Variants in CXCL13 observed in about 807,000 individuals in gnomAD.
The protein encoded by CXCL13 is C-X-C motif chemokine 13.
In CXCL13, 7 loss-of-function variants were observed where a neutral mutation model predicts 12.2. That is an observed-to-expected ratio of 0.57 (90% CI 0.33 to 1.07). The LOEUF (loss-of-function observed/expected upper bound fraction) is 1.07. CXCL13 is among the 50% of genes least tolerant of loss of function. The pLI, the probability that CXCL13 is intolerant of heterozygous loss-of-function variation, is 0.04. For missense variants in CXCL13, 113 were observed against 127.4 expected (o/e 0.89, Z 0.55); for synonymous variants, 47 against 42.4 (o/e 1.11, Z -0.42).
intron 1 of CXCL13, among the ~76,000 whole-genome samples, chr4:77,584,980 T>G (rs1031476909): frequency 2.0e-5 from 3 of 152,168 alleles, no homozygotes; most frequent in African/African-American, 4.8e-5. Context: ...CTCTAAAGAT[T>G]TTTTCTTCTT....
intron 1 of CXCL13, among the ~76,000 whole-genome samples, chr4:77,547,271 T>C (rs1297249113): frequency 6.6e-6 from 1 of 152,200 alleles, no homozygotes; most frequent in Non-Finnish European, 1.5e-5. Context: ...CTGAGTTCAA[T>C]TCCTGGATAT....
At position 77,605,904 on chromosome 4, in the gene CXCL13, G is replaced by C; in HGVS notation, c.39G>C (p.Leu13=). The change falls in exon 1 of 4, where the codon CTG becomes CTC. Residue 13 remains leucine, a synonymous_variant. Coordinates refer to ENST00000682537, the MANE Select transcript of CXCL13 (RefSeq NM_001371558.1). ...CGACATCTCTGCTTCTCATGCTGCT[G>C]GTCAGCAGCCTCTCTCCAGTCCAAG... ...FISTSLLLML[L]VSSLSPVQGV... is the part of the protein sequence containing the mutation. The C allele has an allele frequency of 1.9e-6, 3 of 1,605,950 alleles. No homozygotes were observed. The highest frequency in any genetic ancestry group is 1.1e-5 in the South Asian group (1 of 89,332).
In CXCL13 at chr4:77,591,317, C is replaced by T. The variant is rs373112086; in HGVS notation, c.-42-14507C>T. On this transcript the variant is annotated intron_variant, in intron 1 of 4. Transcript: ENST00000286758. ...CTGTAATCCCAGCACCTTGGGAGGCCAAGTGGGTGGATCACAAGGTTAGGA... is the reference window on the plus strand; with the variant it reads ...CTGTAATCCCAGCACCTTGGGAGGCTAAGTGGGTGGATCACAAGGTTAGGA... 2.6e-5 allele frequency among the ~76,000 whole-genome samples: 4 copies of T among 151,870 alleles called. No homozygotes were observed. The East Asian group carries it at 7.7e-4, about 29-fold the overall frequency.
intron 1 of CXCL13, among the ~76,000 whole-genome samples, chr4:77,563,548 G>A (rs949298174): frequency 1.3e-5 from 2 of 152,090 alleles, no homozygotes; most frequent in Non-Finnish European, 2.9e-5. Flanking sequence ...AGTAACCTTG[G>A]CTGCTATGAG....
rs547373749 is a variant in CXCL13 at position 77,552,303 on chromosome 4, C to T, written c.-43+40515C>T. 4.3e-4 allele frequency among the ~76,000 whole-genome samples: 65 copies of T among 152,148 alleles called. 1 individual carries two copies. Among genetic ancestry groups the T allele is most frequent in the East Asian group, 1.4e-3 (7 of 5,182 alleles). On this transcript the variant is annotated intron_variant, in intron 1 of 4. Coordinates refer to the CXCL13 transcript ENST00000286758. ...AACATTTTTTTCCCTTTCCTTTCCCCGACTTCCTAGGGAATGTGACTGTAG... is the reference window on the plus strand; with the variant it reads ...AACATTTTTTTCCCTTTCCTTTCCCTGACTTCCTAGGGAATGTGACTGTAG...
rs146674384 is a variant in CXCL13 at position 77,598,315 on chromosome 4, G to A, written c.-42-7509G>A. On this transcript the variant is annotated intron_variant, in intron 1 of 4. Coordinates refer to the CXCL13 transcript ENST00000286758. The stretch of plus-strand genomic sequence containing the variant: ...AGAGAGATTCAGCCACATCCATAGA[G>A]TTAACAGAGAGCAGTGGGGAGTAAC... 8.4e-4 allele frequency among the ~76,000 whole-genome samples: 128 copies of A among 152,352 alleles called. 2 individuals are homozygous for A. The highest frequency in any genetic ancestry group is 3.0e-3 in the African/African-American group (125 of 41,588).
chr4:77,567,204 G>T (rs1462786889), intron 1 of CXCL13, among the ~76,000 whole-genome samples: 2 of 152,024 alleles, frequency 1.3e-5, no homozygotes, highest in Non-Finnish European at 2.9e-5. Flanking sequence ...CAAAAAAATT[G>T]CTCCTAACTC....
intron 1 of CXCL13, among the ~76,000 whole-genome samples, chr4:77,572,199 A>T (rs1282998236): frequency 1.3e-5 from 2 of 151,866 alleles, no homozygotes; most frequent in Non-Finnish European, 2.9e-5. Flanking sequence ...TCAGGAGTTC[A>T]AGACCAGTCT....
At chr4:77,527,312 G>A (rs573171176) in intron 1 of CXCL13, among the ~76,000 whole-genome samples, 11 of 152,278 alleles carry the variant, frequency 7.2e-5, no homozygotes, top group African/African-American at 1.2e-4. Context: ...AAATGATACA[G>A]CCACTCTGGA....
chr4:77,518,963 G>A (rs561894760), intron 1 of CXCL13, among the ~76,000 whole-genome samples: 210 of 152,248 alleles, frequency 1.4e-3, no homozygotes, highest in African/African-American at 4.9e-3. Flanking sequence ...TGTACAGATA[G>A]GTTTTTGGTG....
intron 1 of CXCL13, among the ~76,000 whole-genome samples, chr4:77,597,556 C>G (rs355660): frequency 1.9e-3 from 291 of 152,176 alleles, no homozygotes; most frequent in African/African-American, 6.7e-3. Context: ...TTACATTATC[C>G]CTGTTTTAAG....
intron 1 of CXCL13, among the ~76,000 whole-genome samples, chr4:77,547,480 T>C (rs905842286): frequency 3.9e-5 from 6 of 152,240 alleles, no homozygotes; most frequent in Non-Finnish European, 8.8e-5. Context: ...CCTTTACCAT[T>C]ATGTAATGAC....
rs77914791 is a variant in CXCL13 at position 77,606,399 on chromosome 4, C to A, written c.64+470C>A. Among the ~76,000 whole-genome samples, 601 of 152,320 alleles carry A rather than the reference C, an allele frequency of 3.9e-3. 3 individuals carry two copies. The highest frequency in any genetic ancestry group is 0.014 in the African/African-American group (563 of 41,578). ...ACTGTCAGTACACCAGGGGTATTTA[C>A]ACACATTCTGCAAAGAAGCAGACTT... On this transcript the variant is annotated intron_variant, in intron 1 of 3. Transcript: ENST00000682537.
intron 1 of CXCL13, among the ~76,000 whole-genome samples, chr4:77,559,921 CAAAAAA>C (rs751894798): frequency 2.6e-5 from 2 of 77,120 alleles, no homozygotes; most frequent in East Asian, 7.0e-4. Context: ...GACTCCATCA[CAAAAAA>C]AAAAAAAAAA....
At chr4:77,552,181 C>G (rs973281598) in intron 1 of CXCL13, among the ~76,000 whole-genome samples, 2 of 152,162 alleles carry the variant, frequency 1.3e-5, no homozygotes, top group African/African-American at 4.8e-5. Context: ...ATTCTTGTGT[C>G]AGTTCCTTCT....
chr4:77,590,518 A>G (rs558576303), intron 1 of CXCL13, among the ~76,000 whole-genome samples: 38 of 152,378 alleles, frequency 2.5e-4, no homozygotes, highest in African/African-American at 9.1e-4. Flanking sequence ...CACAGTATCA[A>G]AATATGAATC....
intron 1 of CXCL13, among the ~76,000 whole-genome samples, chr4:77,577,602 T>C (rs971331114): frequency 1.2e-4 from 19 of 152,128 alleles, no homozygotes; most frequent in East Asian, 3.9e-4. Context: ...GCAGTGGAGG[T>C]AGGACGTACA....
chr4:77,545,613 G>C (rs1249322402), intron 1 of CXCL13, among the ~76,000 whole-genome samples: 1 of 152,182 alleles, frequency 6.6e-6, no homozygotes, highest in Admixed American at 6.5e-5. Context: ...CTGAGACTTT[G>C]CTGAAGTTGC....
At position 77,583,607 on chromosome 4, in the gene CXCL13, TCTC is replaced by T. The variant is rs57554891; in HGVS notation, c.-42-22214_-42-22212del. 2.8e-4 allele frequency among the ~76,000 whole-genome samples: 43 copies of T among 152,326 alleles called. 2 individuals carry two copies. The East Asian group carries it at 7.5e-3, about 27-fold the overall frequency. On this transcript the variant is annotated intron_variant, in intron 1 of 4. Transcript: ENST00000286758. ...TTTTGTGCACCTCAGGGTACTGAGTTCTCCTTTCCCTTGATCCCAGAGGCAGCT... is the reference window on the plus strand; with the variant it reads ...TTTTGTGCACCTCAGGGTACTGAGTTCTTTCCCTTGATCCCAGAGGCAGCT...
Sources: allele counts gnomAD v4.1 joint callset (sites outside exome capture counted in the v4.1 genomes callset), GRCh38; gene constraint gnomAD v4.1.1; transcripts MANE v1.5; gene names NCBI Gene and HGNC (gene_info 2026-07-23, HGNC 2026-07-21).